ADGRL3: variants seen among roughly 807,000 people sequenced by gnomAD.
The protein encoded by ADGRL3 is calcium-independent alpha-latrotoxin receptor 3.
ADGRL3 carries 62 observed loss-of-function variants against 153.5 expected under a neutral mutation model. The ratio of observed to expected loss-of-function variants is 0.40; its 90% CI spans 0.33 to 0.50. ADGRL3 has a LOEUF of 0.50. Among genes scored for constraint, ADGRL3 ranks in the 20% least tolerant of loss-of-function variants. The pLI is 0.47. For missense variants in ADGRL3, 1,641 were observed against 1,859.4 expected (o/e 0.88, Z 2.16); for synonymous variants, 710 against 672.5 (o/e 1.06, Z -0.86).
chr4:61,371,839 T>G (rs968111345), intron 1 of ADGRL3, among the ~76,000 whole-genome samples: 17 of 152,286 alleles, frequency 1.1e-4, no homozygotes, highest in African/African-American at 3.9e-4. Context: ...CCAACTTGGT[T>G]CCATTCTCCC....
intron 9 of ADGRL3, among the ~76,000 whole-genome samples, chr4:61,856,723 TCTC>T (rs1216305093): frequency 6.9e-6 from 1 of 145,482 alleles, no homozygotes; most frequent in Non-Finnish European, 1.5e-5. Context: ...TTCAAGCAAT[TCTC>T]CTGCTTCAGC....
chr4:61,856,027 A>G (rs1319086345), intron 9 of ADGRL3, among the ~76,000 whole-genome samples: 1 of 152,108 alleles, frequency 6.6e-6, no homozygotes, highest in Non-Finnish European at 1.5e-5. Context: ...ATACCGAAAG[A>G]GTTGGGAAAC....
At chr4:61,980,932 G>T (rs2099066027) in intron 18 of ADGRL3, among the ~76,000 whole-genome samples, 1 of 152,150 alleles carries the variant, frequency 6.6e-6, no homozygotes, top group Non-Finnish European at 1.5e-5. Flanking sequence ...GAAGAAAGCT[G>T]CTATAACCAT....
chr4:61,826,699 G>A (rs1386961611), intron 9 of ADGRL3, among the ~76,000 whole-genome samples: 3 of 151,992 alleles, frequency 2.0e-5, no homozygotes, highest in Non-Finnish European at 4.4e-5. Context: ...GTAGCTACAC[G>A]GTGGAGAATG....
At chr4:61,732,713 AT>A in intron 7 of ADGRL3, 40 bp from the exon 8 acceptor site, 1 of 1,143,872 alleles carries the variant, frequency 8.7e-7, no homozygotes, top group Non-Finnish European at 1.2e-6. Context: ...AAAATATGAA[AT>A]TAATATATTT....
At chr4:61,905,158 C>T (rs2098689387) in intron 11 of ADGRL3, among the ~76,000 whole-genome samples, 1 of 152,028 alleles carries the variant, frequency 6.6e-6, no homozygotes, top group African/African-American at 2.4e-5. Flanking sequence ...ATAGGAATTC[C>T]AGCTATCTTA....
chr4:61,583,667 C>T (rs529355444), intron 4 of ADGRL3: 4 of 518,408 alleles, frequency 7.7e-6, no homozygotes, highest in South Asian at 2.8e-5. Context: ...TTAATTAGTT[C>T]ATGTCCCTTC....
At chr4:61,456,447 CTATATCTATATATATAGA>C (rs1560665034) in intron 2 of ADGRL3, among the ~76,000 whole-genome samples, 11 of 102,486 alleles carry the variant, frequency 1.1e-4, no homozygotes, top group African/African-American at 4.2e-4. Flanking sequence ...ATAGATATAT[CTATATCTATATATATAGA>C]TATATCTATA....
At position 61,851,982 on chromosome 4, in the gene ADGRL3, G is replaced by A. The variant is rs139352142; in HGVS notation, c.1480+38093G>A. ...CACGCACGTGTTTACGGAGAAAAAA[G>A]TGTCATAGGTAAATGTATGGTTAGT... On this transcript the variant is annotated intron_variant, in intron 9 of 26. Transcript: ENST00000683033. Among the ~76,000 whole-genome samples, 4 of 152,294 alleles carry A rather than the reference G, an allele frequency of 2.6e-5. No individual in the cohort carries two copies. The East Asian group carries it at 7.7e-4, about 29-fold the overall frequency.
At chr4:61,826,459 TAAAC>T (rs1423980734) in intron 9 of ADGRL3, among the ~76,000 whole-genome samples, 11 of 151,958 alleles carry the variant, frequency 7.2e-5, no homozygotes, top group Admixed American at 2.6e-4. Context: ...AAAGTATAAA[TAAAC>T]AAAAAAGTAA....
intron 2 of ADGRL3, among the ~76,000 whole-genome samples, chr4:61,456,393 ATATC>A (rs1233304643): frequency 3.0e-4 from 33 of 111,180 alleles, no homozygotes; most frequent in African/African-American, 9.7e-4. Context: ...ATATATAGAT[ATATC>A]TATATCTATA....
chr4:61,414,795 G>A (rs1039576496), intron 2 of ADGRL3, among the ~76,000 whole-genome samples: 2 of 151,836 alleles, frequency 1.3e-5, no homozygotes, highest in African/African-American at 4.8e-5. Context: ...ATCTAAAGTG[G>A]TTTTTCATTT....
chr4:61,856,100 G>T (rs2098260763), intron 9 of ADGRL3, among the ~76,000 whole-genome samples: 1 of 152,148 alleles, frequency 6.6e-6, no homozygotes. Context: ...AAGGACAGTG[G>T]CTCACACCTG....
intron 5 of ADGRL3, 59 bp from the exon 6 acceptor site, chr4:61,676,767 T>C (rs999735733): frequency 2.7e-6 from 3 of 1,125,390 alleles, no homozygotes; most frequent in Admixed American, 1.7e-5. Context: ...AGTGTTGATG[T>C]TGATAATAAT....
intron 3 of ADGRL3, among the ~76,000 whole-genome samples, chr4:61,505,124 G>T (rs2098418986): frequency 6.6e-6 from 1 of 151,932 alleles, no homozygotes; most frequent in South Asian, 2.1e-4. Flanking sequence ...GTTATTGCCT[G>T]TTTTTGGATA....
intron 5 of ADGRL3, among the ~76,000 whole-genome samples, chr4:61,607,357 G>A (rs2099036301): frequency 6.6e-6 from 1 of 152,182 alleles, no homozygotes; most frequent in African/African-American, 2.4e-5. Flanking sequence ...CCAGCACTTT[G>A]GGAGGCCAAG....
At chr4:61,850,775 T>C (rs1427990446) in intron 9 of ADGRL3, among the ~76,000 whole-genome samples, 1 of 152,148 alleles carries the variant, frequency 6.6e-6, no homozygotes, top group African/African-American at 2.4e-5. Context: ...GAAATTTAAA[T>C]AGAGATGAAA....
chr4:61,914,207 G>C (rs1339862811), intron 13 of ADGRL3, among the ~76,000 whole-genome samples: 2 of 152,062 alleles, frequency 1.3e-5, no homozygotes, highest in Non-Finnish European at 2.9e-5. Context: ...AGCAACACAA[G>C]AACACATTAC....
At chr4:62,042,911 A>C (rs1364775627) in intron 24 of ADGRL3, among the ~76,000 whole-genome samples, 1 of 152,098 alleles carries the variant, frequency 6.6e-6, no homozygotes, top group African/African-American at 2.4e-5. Flanking sequence ...AGCTCCAAAC[A>C]TAACCACTAT....
Sources: allele counts gnomAD v4.1 joint callset (sites outside exome capture counted in the v4.1 genomes callset), GRCh38; gene constraint gnomAD v4.1.1; transcripts MANE v1.5; gene names NCBI Gene and HGNC (gene_info 2026-07-23, HGNC 2026-07-21).